RAB13: variants seen among roughly 807,000 people sequenced by gnomAD.
RAB13 encodes the protein RAB13, member RAS oncogene family.
RAB13 carries 15 observed loss-of-function variants against 29.3 expected under a neutral mutation model. The ratio of observed to expected loss-of-function variants is 0.51; its 90% CI spans 0.34 to 0.79. The LOEUF (loss-of-function observed/expected upper bound fraction) is 0.79. RAB13 is among the 30% of genes least tolerant of loss of function. RAB13 has a pLI of 0.01. For missense variants in RAB13, 186 were observed against 255.5 expected (o/e 0.73, Z 1.85); for synonymous variants, 82 against 93.8 (o/e 0.87, Z 0.73).
At chr1:153,989,902 T>C (rs1019794290), upstream of RAB13, among the ~76,000 whole-genome samples, 3 of 150,826 alleles carry the variant, frequency 2.0e-5, no homozygotes, top group Admixed American at 2.0e-4. Flanking sequence ...AAAAAAAAAA[T>C]AAAAATAAAA....
chr1:153,988,956 G>C (rs1392632253), upstream of RAB13, among the ~76,000 whole-genome samples: 1 of 148,326 alleles, frequency 6.7e-6, no homozygotes, highest in Non-Finnish European at 1.5e-5. Context: ...AGTTTTGCTC[G>C]TCACCCAGGC....
Position 153,982,169 on chromosome 1 carries a change from C to T in RAB13, c.542G>A (p.Gly181Asp), listed in dbSNP as rs1184089628. Reference protein sequence around the residue: ...LKSGGRRSGNGNKPPSTDLKT... With the variant: ...LKSGGRRSGNDNKPPSTDLKT... ...CAGGTCAGTACTGGGAGGCTTGTTG[C>T]CGTTTCCCTAGAGGGAGAAGGGCAC... is the stretch of plus-strand genomic sequence containing the variant. The change falls in exon 8 of 8, where the codon GGC becomes GAC. Residue 181 changes from glycine (G) to aspartate (D), a missense_variant. Gly to Asp is a moderately conservative substitution (Grantham distance 94). Transcript: ENST00000368575. 1.9e-6 allele frequency: 3 copies of T among 1,613,906 alleles called. No homozygotes were observed. Among genetic ancestry groups the T allele is most frequent in the Admixed American group, 1.7e-5 (1 of 59,992 alleles).
chr1:153,984,376 T>C (rs1162871914), intron 2 of RAB13, among the ~76,000 whole-genome samples: 1 of 152,178 alleles, frequency 6.6e-6, no homozygotes. Context: ...TCACCATATT[T>C]TGGAGAAAAC....
upstream of RAB13, among the ~76,000 whole-genome samples, chr1:153,988,428 G>C (rs1218114979): frequency 6.8e-6 from 1 of 147,576 alleles, no homozygotes; most frequent in African/African-American, 2.5e-5. Flanking sequence ...TGAGTAGCTG[G>C]GACTACAGGC....
upstream of RAB13, among the ~76,000 whole-genome samples, chr1:153,989,020 A>G (rs1649269326): frequency 6.8e-6 from 1 of 147,714 alleles, no homozygotes; most frequent in East Asian, 1.9e-4. Flanking sequence ...CTTGGGTTCA[A>G]GCGATTCTCC....
intron 1 of RAB13, chr1:153,985,385 AAAG>A: frequency 2.0e-6 from 2 of 982,514 alleles, no homozygotes; most frequent in Non-Finnish European, 2.4e-6. Context: ...GGAGATGAAG[AAAG>A]AAGAGAAGGG....
chr1:153,982,014 C>CCTCT lies in RAB13; in HGVS notation c.*81_*84dup, dbSNP rs1389180627. On this transcript the variant is annotated 3_prime_UTR_variant, in exon 8 of 8. Transcript: ENST00000368575. ...ATCTACCTATGTGACCCTCCAAGCC[C>CCTCT]CTCTGCTATTTCTCCCCTGCTCACT... 2.6e-6 allele frequency: 3 copies of CCTCT among 1,160,924 alleles called. No homozygotes were observed. The African/African-American group carries it at 4.6e-5, about 18-fold the overall frequency. The allele number at this position is 1,160,924 out of a possible 1,614,324, so 71.9% of individuals were successfully genotyped here.
At chr1:153,982,301 CAACA>C (rs1649002217) in intron 7 of RAB13, 86 bp downstream of exon 7, 1 of 1,387,756 alleles carries the variant, frequency 7.2e-7, no homozygotes, top group Non-Finnish European at 1.0e-6. Flanking sequence ...TTATCAACAC[CAACA>C]CACACACACA....
At chr1:153,986,630 G>T (rs16835703), upstream of RAB13, among the ~76,000 whole-genome samples, 1 of 152,102 alleles carries the variant, frequency 6.6e-6, no homozygotes, top group Non-Finnish European at 1.5e-5. Context: ...TTTTAGAAGA[G>T]AAATTTTAGA....
At chr1:153,985,008 A>C in intron 1 of RAB13, 1 of 1,250,744 alleles carries the variant, frequency 8.0e-7, no homozygotes, top group Non-Finnish European at 1.0e-6. Flanking sequence ...GGGAGGGAAA[A>C]GGTGACGAAA....
At chr1:153,982,664 A>C in intron 5 of RAB13, 55 bp downstream of exon 5, 1 of 1,610,842 alleles carries the variant, frequency 6.2e-7, no homozygotes, top group Non-Finnish European at 8.5e-7. Flanking sequence ...CTGCAATGCA[A>C]CCTATCTTGG....
At position 153,986,115 on chromosome 1, in the gene RAB13, A is replaced by G. The variant is rs1240528085; in HGVS notation, c.122T>C (p.Ile41Thr). The change falls in exon 1 of 8, where the codon ATC (isoleucine) becomes ACC (threonine). Residue 41 changes from isoleucine (I) to threonine (T), a missense_variant and splice_region_variant. By Grantham distance (89) the Ile-to-Thr change is moderately conservative. Transcript: ENST00000368575. ...DNFNNTYIST[I>T]GIDFKIRTVD... is the part of the protein sequence containing the mutation. ...TGGGACATGGCCAGCGGGCTCACCGATGGTGGAGATGTAAGTGTTGTTGAA... is the reference window on the plus strand; with the variant it reads ...TGGGACATGGCCAGCGGGCTCACCGGTGGTGGAGATGTAAGTGTTGTTGAA... The G allele has an allele frequency of 6.2e-7, 1 of 1,613,370 alleles. No homozygotes were observed. The highest frequency in any genetic ancestry group is 8.5e-7 in the Non-Finnish European group (1 of 1,179,946).
chr1:153,987,399 C>T (rs1649202504), upstream of RAB13, among the ~76,000 whole-genome samples: 1 of 151,838 alleles, frequency 6.6e-6, no homozygotes, highest in South Asian at 2.1e-4. Context: ...GACTGTAGTC[C>T]TAGCCACTTG....
upstream of RAB13, among the ~76,000 whole-genome samples, chr1:153,988,116 C>T (rs1557893921): frequency 1.3e-5 from 2 of 151,442 alleles, no homozygotes; most frequent in Non-Finnish European, 2.9e-5. Flanking sequence ...TCTGGAGTAC[C>T]TGTAATCCTC....
chr1:153,984,817 G>A (rs765670144), intron 1 of RAB13, 36 bp from the exon 2 acceptor site: 1 of 1,591,502 alleles, frequency 6.3e-7, no homozygotes, highest in Non-Finnish European at 8.6e-7. Flanking sequence ...GTTGAGACAT[G>A]CATGCACACA....
upstream of RAB13, chr1:153,990,679 A>G (rs767665867): frequency 1.7e-5 from 24 of 1,386,116 alleles, no homozygotes; most frequent in Admixed American, 8.5e-5. Flanking sequence ...TCAAAGTAAG[A>G]CGTTCCAAAC....
At chr1:153,986,966 A>G (rs983341049), upstream of RAB13, among the ~76,000 whole-genome samples, 1 of 152,144 alleles carries the variant, frequency 6.6e-6, no homozygotes, top group Non-Finnish European at 1.5e-5. Flanking sequence ...CACCACCCCA[A>G]CACACACAGC....
At position 153,982,570 on chromosome 1, in the gene RAB13, C is replaced by G; in HGVS notation, c.445G>C (p.Glu149Gln). ...TTCATACTGGATTTAGCACTAGTTTCGAAAAATCGGATTCCATGCTCTCGA... is the reference window on the plus strand; with the variant it reads ...TTCATACTGGATTTAGCACTAGTTTGGAAAAATCGGATTCCATGCTCTCGA... ...LAREHGIRFF[E>Q]TSAKSSMNVD... Residue 149 changes from glutamate to glutamine, a missense_variant, in exon 6 of 8, where the codon GAA becomes CAA. Transcript: ENST00000368575. The G allele has an allele frequency of 6.2e-7, 1 of 1,613,806 alleles. No homozygotes were observed. The highest frequency in any genetic ancestry group is 1.3e-5 in the African/African-American group (1 of 74,964).
chr1:153,989,380 G>T (rs906906565), upstream of RAB13, among the ~76,000 whole-genome samples: 1 of 151,150 alleles, frequency 6.6e-6, no homozygotes, highest in Admixed American at 6.6e-5. Flanking sequence ...CTCCCGAGTA[G>T]CTGGGACTAC....
Sources: allele counts gnomAD v4.1 joint callset (sites outside exome capture counted in the v4.1 genomes callset), GRCh38; gene constraint gnomAD v4.1.1; transcripts MANE v1.5; gene names NCBI Gene and HGNC (gene_info 2026-07-23, HGNC 2026-07-21).